KLC2: variants seen among roughly 807,000 people sequenced by gnomAD.
The protein encoded by KLC2 is kinesin light chain 2, also known as KLC 2.
Under a neutral mutation model 75.1 loss-of-function variants are expected in KLC2, and 35 were observed. The observed-to-expected ratio is 0.47, with a 90% CI of 0.36 to 0.62. The LOEUF (loss-of-function observed/expected upper bound fraction) is 0.62, where lower values mean the gene tolerates loss of function less well. Among genes scored for constraint, KLC2 ranks in the 20% least tolerant of loss-of-function variants. KLC2 has a pLI of 0.00. For synonymous variants in KLC2, 314 were observed against 336.7 expected (o/e 0.93, Z 0.74); for missense variants, 611 against 833.2 (o/e 0.73, Z 3.28).
Position 66,265,245 on chromosome 11 carries a change from G to A in KLC2, c.1334+10G>A, listed in dbSNP as rs1403366581. ...CCTGTAAAGTAGACAGGTGAGTGGGGCGGGGCTGGGCTGGGGAGCAGGGCA... is the reference window on the plus strand; with the variant it reads ...CCTGTAAAGTAGACAGGTGAGTGGGACGGGGCTGGGCTGGGGAGCAGGGCA... On this transcript the variant is annotated intron_variant, in intron 11 of 15. Coordinates refer to ENST00000394067, the MANE Select transcript of KLC2 (RefSeq NM_001318734.2). 1.9e-6 allele frequency: 3 copies of A among 1,564,614 alleles called. No homozygotes were observed. The highest frequency in any genetic ancestry group is 2.6e-6 in the Non-Finnish European group (3 of 1,134,522).
At chr11:66,258,924 GTT>G (rs1856200057) in intron 2 of KLC2, 102 bp downstream of exon 2, 1 of 796,026 alleles carries the variant, frequency 1.3e-6, no homozygotes, top group Non-Finnish European at 2.0e-6. Flanking sequence ...GGAACCGTCT[GTT>G]TCCTGGAGCC....
At position 66,263,216 on chromosome 11, in the gene KLC2, A is replaced by G. The variant is rs2155030; in HGVS notation, c.752+180A>G. 0.18 allele frequency among the ~76,000 whole-genome samples: 27,011 copies of G among 152,122 alleles called. 2,479 individuals carry two copies. The highest frequency in any genetic ancestry group is 0.27 in the East Asian group (1,368 of 5,158). ...GGCCAGAACTGGGGAGGGACTGCAC[A>G]TGAGGACTCCAGGGGTCCTGGGGAG... On this transcript the variant is annotated intron_variant, in intron 5 of 15. Transcript: ENST00000394067.
chr11:66,260,245 G>T (rs562461743), intron 2 of KLC2, among the ~76,000 whole-genome samples: 71 of 152,142 alleles, frequency 4.7e-4, no homozygotes, highest in African/African-American at 1.7e-3. Context: ...CAAAGTACAG[G>T]GTCTCAGACA....
intron 2 of KLC2, among the ~76,000 whole-genome samples, chr11:66,260,167 A>ATTT (rs543009515): frequency 6.8e-6 from 1 of 146,006 alleles, no homozygotes; most frequent in African/African-American, 2.5e-5. Context: ...TGTTGGGGGA[A>ATTT]TTTTTTTTTT....
rs1565177504 is a variant in KLC2 at position 66,266,936 on chromosome 11, C to T, written c.1849C>T (p.Arg617Ter). The T allele has an allele frequency of 2.5e-6, 4 of 1,613,136 alleles. No homozygotes were observed. Among genetic ancestry groups the T allele is most frequent in the East Asian group, 2.2e-5 (1 of 44,874 alleles). Residue 617 changes from arginine to a stop codon, truncating the protein, a stop_gained, in exon 16 of 16, where the codon CGA (arginine) becomes TGA (stop). Transcript: ENST00000394067. LOFTEE classifies it high-confidence loss of function. ...LSSSSMDLSRRSSLVG is the reference protein window; with the variant it reads ...LSSSSMDLSR ...CTCCAGCTCCATGGACCTCTCCCGA[C>T]GAAGCTCCCTGGTGGGCTAATGCTG...
chr11:66,266,361 C>A, intron 14 of KLC2, 72 bp from the exon 15 acceptor site: 1 of 1,505,064 alleles, frequency 6.6e-7, no homozygotes, highest in South Asian at 1.2e-5. Flanking sequence ...CTCCCCAGCC[C>A]CACCCTTCTC....
At chr11:66,253,434 G>A (rs1190249418), upstream of KLC2, among the ~76,000 whole-genome samples, 1 of 152,228 alleles carries the variant, frequency 6.6e-6, no homozygotes, top group Non-Finnish European at 1.5e-5. Context: ...GGAGAAGTGG[G>A]AGTGATTTTC....
At chr11:66,266,405 C>A in intron 14 of KLC2, 28 bp from the exon 15 acceptor site, 1 of 1,581,528 alleles carries the variant, frequency 6.3e-7, no homozygotes. Context: ...CCTCCTTGGG[C>A]AAATCCCAGG....
In KLC2 at chr11:66,267,368, C is replaced by G. The variant is rs1856908244; in HGVS notation, c.*412C>G. On this transcript the variant is annotated 3_prime_UTR_variant, in exon 16 of 16. Transcript: ENST00000394067. ...AGAGAAATAAGTTATTGGCCGCGCG[C>G]CTCCCTTCAGTCCACGGTACTACCC... 1.4e-6 allele frequency: 1 copy of G among 728,414 alleles called. No homozygotes were observed. The highest frequency in any genetic ancestry group is 2.5e-6 in the Non-Finnish European group (1 of 395,254). The allele number at this position is 728,414 out of a possible 1,614,324, so 45.1% of individuals were successfully genotyped here. A position where few individuals can be genotyped will look rare whatever the true frequency, so the allele number is the denominator to read the frequency against.
At chr11:66,258,498 G>T in intron 1 of KLC2, 86 bp from the exon 2 acceptor site, 1 of 888,300 alleles carries the variant, frequency 1.1e-6, no homozygotes, top group Non-Finnish European at 1.8e-6. Flanking sequence ...TCAGGCGTCC[G>T]GGGACCGCCT....
the KLC2 span, among the ~76,000 whole-genome samples, chr11:66,247,610 C>T: frequency 4.7e-5 from 7 of 149,368 alleles, no homozygotes; most frequent in Non-Finnish European, 9.0e-5. Flanking sequence ...AGGAGGCCTT[C>T]CCTTCTCCAA....
the KLC2 span, chr11:66,244,179 G>C: frequency 6.6e-6 from 1 of 152,030 alleles, no homozygotes; most frequent in Non-Finnish European, 1.5e-5. Flanking sequence ...TGGAGAGATG[G>C]GAGGCAGACC....
At chr11:66,266,352 T>C in intron 14 of KLC2, 81 bp from the exon 15 acceptor site, 24 of 1,072,036 alleles carry the variant, frequency 2.2e-5, no homozygotes, top group Non-Finnish European at 3.2e-5. Context: ...GTCTGTTCCC[T>C]CCCCAGCCCC....
chr11:66,256,098 A>C (rs958002986), upstream of KLC2, among the ~76,000 whole-genome samples: 2 of 152,058 alleles, frequency 1.3e-5, no homozygotes, highest in African/African-American at 4.8e-5. Context: ...CACAAATGAA[A>C]GTATCTGCTA....
In KLC2 at chr11:66,261,834, G is replaced by C; in HGVS notation, c.321G>C (p.Gln107His). The C allele has an allele frequency of 6.2e-7, 1 of 1,613,830 alleles. No individual in the cohort carries two copies. Among genetic ancestry groups the C allele is most frequent in the South Asian group, 1.1e-5 (1 of 91,056 alleles). Residue 107 changes from glutamine (Q) to histidine (H), a missense_variant, in exon 3 of 16, where the codon CAG (glutamine) becomes CAC (histidine). Physicochemically the swap from Gln to His is conservative, Grantham distance 24 (BLOSUM62 0). Transcript: ENST00000394067. ...TGCGGCGTCTGGTGCAGGAGAACCA[G>C]TGGCTGCGTGAGGAGCTGGCGGGGA... is the stretch of plus-strand genomic sequence containing the variant. ...AQVRRLVQEN[Q>H]WLREELAGTQ...
At chr11:66,251,805 A>G in the KLC2 span, among the ~76,000 whole-genome samples, 1 of 152,364 alleles carries the variant, frequency 6.6e-6, no homozygotes, top group East Asian at 1.9e-4. Flanking sequence ...AAGAGAGTCC[A>G]GGACAGACTG....
upstream of KLC2, among the ~76,000 whole-genome samples, chr11:66,253,828 G>T (rs1458927720): frequency 1.3e-5 from 2 of 152,240 alleles, no homozygotes; most frequent in Non-Finnish European, 2.9e-5. Flanking sequence ...AGCGCCTAAG[G>T]AGAATCCCAA....
At chr11:66,250,994 A>G in the KLC2 span, among the ~76,000 whole-genome samples, 9 of 152,254 alleles carry the variant, frequency 5.9e-5, no homozygotes, top group South Asian at 1.9e-3. Context: ...GTGAGACGAC[A>G]TATTTCAGAA....
At chr11:66,258,523 G>T in intron 1 of KLC2, 61 bp from the exon 2 acceptor site, 4 of 1,162,032 alleles carry the variant, frequency 3.4e-6, no homozygotes, top group Non-Finnish European at 3.8e-6. Flanking sequence ...ACCTAATCCG[G>T]GGCGGACGGC....
Sources: allele counts gnomAD v4.1 joint callset (sites outside exome capture counted in the v4.1 genomes callset), GRCh38; gene constraint gnomAD v4.1.1; transcripts MANE v1.5; gene names NCBI Gene and HGNC (gene_info 2026-07-23, HGNC 2026-07-21).